XPA: variants seen among roughly 807,000 people sequenced by gnomAD.
The protein encoded by XPA is DNA repair protein complementing XP-A cells.
In XPA, 27 loss-of-function variants were observed where a neutral mutation model predicts 35.7. The observed-to-expected ratio is 0.76, with a 90% CI of 0.56 to 1.04. The LOEUF is 1.04. XPA is among the 50% of genes least tolerant of loss of function. XPA has a pLI of 0.00. For synonymous variants in XPA, 133 were observed against 118.4 expected (o/e 1.12, Z -0.80); for missense variants, 354 against 342.7 (o/e 1.03, Z -0.26).
At chr9:97,663,672 A>G in the XPA span, among the ~76,000 whole-genome samples, 1 of 151,626 alleles carries the variant, frequency 6.6e-6, no homozygotes, top group Non-Finnish European at 1.5e-5. Flanking sequence ...TTTAGTAGAG[A>G]TGGGGTTTCA....
At chr9:97,655,321 C>T in the XPA span, among the ~76,000 whole-genome samples, 1 of 152,176 alleles carries the variant, frequency 6.6e-6, no homozygotes, top group Non-Finnish European at 1.5e-5. Context: ...AGCAATCCTC[C>T]TGCCTTAGTC....
chr9:97,694,529 A>C (rs946434866), intron 1 of XPA, among the ~76,000 whole-genome samples: 1 of 152,220 alleles, frequency 6.6e-6, no homozygotes, highest in South Asian at 2.1e-4. Flanking sequence ...CATTATCTCT[A>C]ATCATTAGGA....
chr9:97,654,834 T>C, the XPA span: 10 of 1,525,854 alleles, frequency 6.6e-6, no homozygotes, highest in Admixed American at 8.4e-5. Flanking sequence ...TTACAACTTA[T>C]TTGGGATAAA....
At chr9:97,685,123 C>T in intron 4 of XPA, 83 bp from the exon 5 acceptor site, 1 of 1,093,294 alleles carries the variant, frequency 9.1e-7, no homozygotes. Flanking sequence ...TCCAAAGGTA[C>T]CAAAGAATGA....
At chr9:97,659,122 T>A in the XPA span, among the ~76,000 whole-genome samples, 1 of 152,244 alleles carries the variant, frequency 6.6e-6, no homozygotes, top group Admixed American at 6.5e-5. Context: ...GCAGTATGCC[T>A]TTAAAAGTAA....
the XPA span, among the ~76,000 whole-genome samples, chr9:97,663,916 T>TA: frequency 2.6e-5 from 4 of 151,796 alleles, no homozygotes; most frequent in Admixed American, 6.6e-5. Context: ...TGGTGGCTCT[T>TA]ACCTGTAATC....
intron 5 of XPA, among the ~76,000 whole-genome samples, chr9:97,679,858 T>C (rs1828481697): frequency 6.6e-6 from 1 of 152,214 alleles, no homozygotes; most frequent in Admixed American, 6.5e-5. Context: ...ATGTGTCTAC[T>C]GATAAATGCT....
chr9:97,670,750 G>C (rs760383949), downstream of XPA, among the ~76,000 whole-genome samples: 1 of 152,184 alleles, frequency 6.6e-6, no homozygotes, highest in East Asian at 1.9e-4. Context: ...AATGTATTAT[G>C]CCCTGACTGG....
chr9:97,676,756 C>T (rs1030897134), intron 5 of XPA, among the ~76,000 whole-genome samples: 2 of 152,112 alleles, frequency 1.3e-5, no homozygotes, highest in Non-Finnish European at 2.9e-5. Flanking sequence ...ATAAGTTGCT[C>T]AAGGTTATAT....
chr9:97,695,037 C>CCAAT (rs1461074813), intron 1 of XPA, among the ~76,000 whole-genome samples: 1 of 152,096 alleles, frequency 6.6e-6, no homozygotes, highest in Non-Finnish European at 1.5e-5. Flanking sequence ...ATAGGTAATA[C>CCAAT]CAATCAAATG....
the XPA span, among the ~76,000 whole-genome samples, chr9:97,663,912 C>G: frequency 6.6e-6 from 1 of 151,728 alleles, no homozygotes; most frequent in Non-Finnish European, 1.5e-5. Flanking sequence ...GGCGTGGTGG[C>G]TCTTACCTGT....
At chr9:97,680,412 T>A (rs1828502254) in intron 5 of XPA, among the ~76,000 whole-genome samples, 1 of 152,194 alleles carries the variant, frequency 6.6e-6, no homozygotes, top group Non-Finnish European at 1.5e-5. Context: ...TTTCACCATG[T>A]TGGCCAGGCT....
intron 5 of XPA, among the ~76,000 whole-genome samples, chr9:97,682,660 AAAAG>A (rs1046677530): frequency 3.3e-5 from 5 of 152,234 alleles, no homozygotes; most frequent in Admixed American, 6.5e-5. Flanking sequence ...AGCGAACTGA[AAAAG>A]AAACCAGACC....
chr9:97,693,226 T>C (rs906697925), intron 2 of XPA, among the ~76,000 whole-genome samples: 1 of 152,234 alleles, frequency 6.6e-6, no homozygotes, highest in Non-Finnish European at 1.5e-5. Flanking sequence ...AGTTACATCC[T>C]TCTTTTTATG....
chr9:97,697,084 G>A (rs1829072360), intron 1 of XPA, 37 bp downstream of exon 1: 1 of 1,511,148 alleles, frequency 6.6e-7, no homozygotes, highest in Non-Finnish European at 8.8e-7. Flanking sequence ...CGGGGAGGCG[G>A]GGAGAGGGAA....
the XPA span, chr9:97,655,746 G>A: frequency 3.7e-6 from 6 of 1,612,076 alleles, no homozygotes; most frequent in Admixed American, 5.0e-5. Context: ...TTCCAGTTCC[G>A]TTGGAGCTGG....
chr9:97,655,762 T>C, the XPA span: 316 of 1,611,208 alleles, frequency 2.0e-4, 5 homozygotes, highest in South Asian at 3.3e-3. Context: ...GCTGGGAAGA[T>C]TGGTAAGTGA....
At chr9:97,657,068 C>T in the XPA span, among the ~76,000 whole-genome samples, 36 of 152,136 alleles carry the variant, frequency 2.4e-4, no homozygotes, top group Non-Finnish European at 1.9e-4. Flanking sequence ...TCCGGGTTCA[C>T]GCCATTCTCC....
chr9:97,665,141 C>G, the XPA span, among the ~76,000 whole-genome samples: 1 of 152,332 alleles, frequency 6.6e-6, no homozygotes, highest in African/African-American at 2.4e-5. Flanking sequence ...TCCACTGTAT[C>G]TGTTACTGCC....
Sources: allele counts gnomAD v4.1 joint callset (sites outside exome capture counted in the v4.1 genomes callset), GRCh38; gene constraint gnomAD v4.1.1; transcripts MANE v1.5; gene names NCBI Gene and HGNC (gene_info 2026-07-23, HGNC 2026-07-21).